PRKCH: variants seen among roughly 807,000 people sequenced by gnomAD.
PRKCH encodes the protein protein kinase C eta.
Under a neutral mutation model 82.5 loss-of-function variants are expected in PRKCH, and 28 were observed. The observed-to-expected ratio is 0.34, with a 90% CI of 0.25 to 0.47. PRKCH has a LOEUF of 0.47. Ranked by LOEUF, PRKCH falls within the 20% of genes least tolerant of loss-of-function variation. PRKCH has a pLI of 1.00. For missense variants in PRKCH, 705 were observed against 881.8 expected, an observed-to-expected ratio of 0.80 and a Z score of 2.54; for synonymous variants, 322 against 327.4, an observed-to-expected ratio of 0.98 and a Z score of 0.18.
chr14:61,209,366 T>A (rs1338512952), intron 1 of PRKCH, among the ~76,000 whole-genome samples: 3 of 140,202 alleles, frequency 2.1e-5, no homozygotes, highest in Non-Finnish European at 3.1e-5. Flanking sequence ...AAGGCCCTCA[T>A]CAGCAACTCA....
At chr14:61,446,258 C>T (rs1362613563) in intron 4 of PRKCH, among the ~76,000 whole-genome samples, 1 of 151,316 alleles carries the variant, frequency 6.6e-6, no homozygotes, top group Non-Finnish European at 1.5e-5. Context: ...TTAGTTTTCA[C>T]AATCTAAGAT....
At chr14:61,546,451 T>C (rs573807083) in intron 12 of PRKCH, among the ~76,000 whole-genome samples, 5 of 152,212 alleles carry the variant, frequency 3.3e-5, no homozygotes, top group Non-Finnish European at 7.4e-5. Flanking sequence ...CCTTTGAAGC[T>C]TTTTTGAAAG....
chr14:61,452,056 G>T (rs765304335), intron 6 of PRKCH, among the ~76,000 whole-genome samples: 3 of 152,186 alleles, frequency 2.0e-5, no homozygotes, highest in Non-Finnish European at 4.4e-5. Context: ...GCCTTGCATT[G>T]TTGCTGATGC....
intron 3 of PRKCH, among the ~76,000 whole-genome samples, chr14:61,444,043 GAAGCCC>G (rs1884097978): frequency 1.3e-5 from 2 of 152,214 alleles, no homozygotes; most frequent in African/African-American, 4.8e-5. Context: ...AGTGAAGGCA[GAAGCCC>G]TTGGATCAGA....
At position 61,280,272 on chromosome 14, in the gene PRKCH, CG is replaced by C; in HGVS notation, c.-19+92607del. 6.2e-7 allele frequency: 1 copy of C among 1,613,966 alleles called. No individual in the cohort carries two copies. Among genetic ancestry groups the C allele is most frequent in the Non-Finnish European group, 8.5e-7 (1 of 1,179,988 alleles). ...GCTTGTGGCCGCCGAACGCGCGCAC[CG>C]GGTAGTTGTAGGTGATGTTGACGCG... is the stretch of plus-strand genomic sequence containing the variant. On this transcript the variant is annotated intron_variant, in intron 1 of 3. Transcript: ENST00000555185. The surrounding 1 kb of genome is among the most constrained non-coding windows in gnomAD (Gnocchi z 5.0).
rs940844792 is a variant in PRKCH, at chr14:61,449,340, C to T, written c.702+88C>T. 8.8e-6 allele frequency: 10 copies of T among 1,137,412 alleles called. No individual in the cohort carries two copies. The African/African-American group carries it at 9.3e-5, about 11-fold the overall frequency. The allele number at this position is 1,137,412 out of a possible 1,614,324, so 70.5% of individuals were successfully genotyped here. A position where few individuals can be genotyped will look rare whatever the true frequency, so the allele number is the denominator to read the frequency against. ...TCTCTCTCCCTCCCTCCCTCCTTTC[C>T]TCCCCCTCTTTTCCTTCTCCCCGTC... is the stretch of plus-strand genomic sequence containing the variant. On this transcript the variant is annotated intron_variant, in intron 5 of 13. Coordinates refer to ENST00000332981, the MANE Select transcript of PRKCH (RefSeq NM_006255.5).
chr14:61,427,613 G>T (rs8012877), intron 2 of PRKCH, among the ~76,000 whole-genome samples: 86,763 of 151,842 alleles, frequency 0.57, 26,619 homozygotes, highest in Non-Finnish European at 0.69. Flanking sequence ...TTGAGACAGG[G>T]TCTCACTCTG....
intron 1 of PRKCH, among the ~76,000 whole-genome samples, chr14:61,231,362 ATTT>A (rs10656204): frequency 7.8e-6 from 1 of 128,546 alleles, no homozygotes; most frequent in Admixed American, 8.3e-5. Flanking sequence ...ATCCAGATGA[ATTT>A]TTTTTTTTTT....
At chr14:61,302,094 T>A (rs1392187829) in intron 1 of PRKCH, among the ~76,000 whole-genome samples, 1 of 152,248 alleles carries the variant, frequency 6.6e-6, no homozygotes, top group Non-Finnish European at 1.5e-5. Context: ...GTCAGATTTT[T>A]ACATGTTGTA....
At chr14:61,416,053 C>CTTTTCTT (rs1178072384) in intron 2 of PRKCH, among the ~76,000 whole-genome samples, 3 of 94,186 alleles carry the variant, frequency 3.2e-5, no homozygotes, top group Non-Finnish European at 5.8e-5. Context: ...CTTTTCTTTT[C>CTTTTCTT]TTTTTTTTTT....
intron 3 of PRKCH, among the ~76,000 whole-genome samples, chr14:61,445,176 G>A (rs1270036870): frequency 6.6e-6 from 1 of 152,214 alleles, no homozygotes; most frequent in Non-Finnish European, 1.5e-5. Flanking sequence ...AGATGGAAGT[G>A]GTGGGCCTGA....
chr14:61,286,186 A>G lies in PRKCH; in HGVS notation c.-19+98518A>G, dbSNP rs200283162. Among the ~76,000 whole-genome samples the G allele has an allele frequency of 2.0e-4, 30 of 152,340 alleles. No homozygotes were observed. In the East Asian group the frequency reaches 4.4e-3, roughly 23 times the overall value. On this transcript the variant is annotated intron_variant, in intron 1 of 3. Transcript: ENST00000555185. ...TTTATACTGCTCAAGATTGTTGCCT[A>G]TTACTCTGCCCATGGGGCAGCTTTT...
At chr14:61,471,764 A>G (rs1205598206) in intron 9 of PRKCH, among the ~76,000 whole-genome samples, 1 of 152,032 alleles carries the variant, frequency 6.6e-6, no homozygotes, top group African/African-American at 2.4e-5. Flanking sequence ...GTTTAGCAGC[A>G]TCCCAAAATA....
rs541091988 is a variant in PRKCH, at chr14:61,233,210, G to A, written c.-19+45542G>A. Among the ~76,000 whole-genome samples, 9 of 152,168 alleles carry A rather than the reference G, an allele frequency of 5.9e-5. No individual in the cohort carries two copies. The East Asian group carries it at 1.7e-3, about 29-fold the overall frequency. ...CCAGAGTGTCAGCCTGGGCAACATA[G>A]TGAGACCTTGTCTCTACAAATAATT... On this transcript the variant is annotated intron_variant, in intron 1 of 3. Transcript: ENST00000555185.
chr14:61,457,556 G>A lies in PRKCH; in HGVS notation c.1155G>A (p.Val385=). The A allele has an allele frequency of 1.9e-6, 3 of 1,614,162 alleles. No homozygotes were observed. Among genetic ancestry groups the A allele is most frequent in the Non-Finnish European group, 2.5e-6 (3 of 1,180,018 alleles). The change falls in exon 9 of 14, where the codon GTG becomes GTA. Residue 385 remains valine, a synonymous_variant. Transcript: ENST00000332981. ...KETGDLYAVK[V]LKKDVILQDD... ...CAGGAGACCTCTATGCTGTGAAGGT[G>A]CTGAAGAAGGACGTGATTCTGCAGG...
upstream of PRKCH, among the ~76,000 whole-genome samples, chr14:61,318,680 T>A (rs1249301526): frequency 6.6e-6 from 1 of 152,144 alleles, no homozygotes; most frequent in African/African-American, 2.4e-5. Context: ...TTCATCTCCA[T>A]CACTACCACC....
At chr14:61,241,582 G>C (rs1180831055) in intron 1 of PRKCH, among the ~76,000 whole-genome samples, 1 of 21,462 alleles carries the variant, frequency 4.7e-5, no homozygotes, top group Non-Finnish European at 3.8e-4. Flanking sequence ...TCCTAGGCCA[G>C]AAAATAGGAT....
chr14:61,366,012 C>T (rs1456202113), intron 1 of PRKCH, among the ~76,000 whole-genome samples: 1 of 151,972 alleles, frequency 6.6e-6, no homozygotes, highest in Non-Finnish European at 1.5e-5. Context: ...ATGACTGAAG[C>T]CTTGTTCTAC....
chr14:61,527,162 G>A lies in PRKCH; in HGVS notation c.1434-1913G>A, dbSNP rs377537095. 2.6e-5 allele frequency among the ~76,000 whole-genome samples: 4 copies of A among 152,218 alleles called. 1 individual carries two copies. Among genetic ancestry groups the A allele is most frequent in the Admixed American group, 1.3e-4 (2 of 15,306 alleles). On this transcript the variant is annotated intron_variant, in intron 10 of 13. Coordinates refer to ENST00000332981, the MANE Select transcript of PRKCH (RefSeq NM_006255.5). ...ATCAGTACATGGCCATGTTCCTGCC[G>A]ACCTTGAGGACTCTTTACCAAACAA...
Sources: gnomAD v4.1 joint callset for allele counts (sites outside exome capture counted in the v4.1 genomes callset) on GRCh38, gnomAD v4.1.1 for gene constraint, Gnocchi (gnomAD v3.1) non-coding constraint, MANE v1.5 for transcripts, NCBI Gene and HGNC (gene_info 2026-07-23, HGNC 2026-07-21) for gene names.